The following HS3ST4 variants were observed in gnomAD, a reference collection of about 807,000 sequenced individuals.
HS3ST4 encodes heparan sulfate-glucosamine 3-sulfotransferase 4.
A neutral mutation model predicts 29.2 loss-of-function variants in HS3ST4; 17 were observed. The observed-to-expected ratio is 0.58, with a 90% CI of 0.40 to 0.87. The LOEUF (loss-of-function observed/expected upper bound fraction) is 0.87. Ranked by LOEUF, HS3ST4 falls within the 40% of genes least tolerant of loss-of-function variation. HS3ST4 has a pLI of 0.00. For missense variants in HS3ST4, 627 were observed against 634.5 expected (o/e 0.99, Z 0.13); for synonymous variants, 314 against 285.7 (o/e 1.10, Z -1.00).
At chr16:25,987,959 C>T (rs574051689) in intron 1 of HS3ST4, among the ~76,000 whole-genome samples, 5 of 151,992 alleles carry the variant, frequency 3.3e-5, no homozygotes, top group African/African-American at 4.8e-5. Context: ...TTAATAGAGA[C>T]GGGGTTTCAC....
At chr16:25,702,947 T>C (rs1966344845) in intron 1 of HS3ST4, among the ~76,000 whole-genome samples, 1 of 151,752 alleles carries the variant, frequency 6.6e-6, no homozygotes, top group Non-Finnish European at 1.5e-5. Context: ...GATCACAGGG[T>C]CAAGAGATTG....
intron 1 of HS3ST4, among the ~76,000 whole-genome samples, chr16:25,722,207 CT>C (rs1279232658): frequency 6.6e-6 from 1 of 152,148 alleles, no homozygotes; most frequent in Non-Finnish European, 1.5e-5. Flanking sequence ...AACTTGCTAC[CT>C]TGTGTACCTT....
At chr16:25,973,341 A>G (rs1471976252) in intron 1 of HS3ST4, among the ~76,000 whole-genome samples, 1 of 152,226 alleles carries the variant, frequency 6.6e-6, no homozygotes, top group Non-Finnish European at 1.5e-5. Context: ...GCATAGATGT[A>G]TGACATAGAA....
intron 1 of HS3ST4, among the ~76,000 whole-genome samples, chr16:25,988,234 G>A (rs759361032): frequency 1.1e-4 from 16 of 152,198 alleles, no homozygotes; most frequent in Non-Finnish European, 2.1e-4. Flanking sequence ...AATGACACCT[G>A]GCTGTGCTGA....
At chr16:25,914,213 G>A (rs987645071) in intron 1 of HS3ST4, among the ~76,000 whole-genome samples, 1 of 150,156 alleles carries the variant, frequency 6.7e-6, no homozygotes, top group South Asian at 2.1e-4. Context: ...TGTGTAGGGT[G>A]TGGTGTGTGT....
Position 25,774,204 on chromosome 16 carries a change from G to A in HS3ST4, c.734+81053G>A, listed in dbSNP as rs1020959507. Among the ~76,000 whole-genome samples the A allele has an allele frequency of 9.9e-5, 15 of 152,178 alleles. No individual in the cohort carries two copies. The East Asian group carries it at 1.5e-3, about 16-fold the overall frequency. ...GGAAAGTATTTAATATTTGGTAAGC[G>A]TGAGCTATTAAATCAGGGTAAACAG... On this transcript the variant is annotated intron_variant, in intron 1 of 1. Transcript: ENST00000331351.
At chr16:25,825,389 G>A (rs1329145399) in intron 1 of HS3ST4, 1 of 152,218 alleles carries the variant, frequency 6.6e-6, no homozygotes, top group Non-Finnish European at 1.5e-5. Flanking sequence ...GGTTCCCCTA[G>A]TTGCATAGAT....
In HS3ST4 at chr16:25,699,517, C is replaced by T. The variant is rs758162389; in HGVS notation, c.734+6366C>T. On this transcript the variant is annotated intron_variant, in intron 1 of 1. Transcript: ENST00000331351. ...ACTTATAAAATAGATTACGCTCAGT[C>T]GTATTAAGATCTTAGAGTTAGAAAA... 3.3e-5 allele frequency among the ~76,000 whole-genome samples: 5 copies of T among 152,174 alleles called. No individual in the cohort carries two copies. In the South Asian group the frequency reaches 6.2e-4, roughly 19 times the overall value.
At chr16:26,053,510 T>C (rs889461818) in intron 1 of HS3ST4, among the ~76,000 whole-genome samples, 1 of 152,198 alleles carries the variant, frequency 6.6e-6, no homozygotes, top group African/African-American at 2.4e-5. Flanking sequence ...AAGTTCAGAA[T>C]GAAGGGGACT....
At chr16:25,941,672 G>T (rs1487763337) in intron 1 of HS3ST4, among the ~76,000 whole-genome samples, 2 of 152,078 alleles carry the variant, frequency 1.3e-5, no homozygotes, top group African/African-American at 2.4e-5. Context: ...TGCCTCCGGG[G>T]TTTACGCCAT....
chr16:26,120,488 T>C (rs764742846), intron 1 of HS3ST4, among the ~76,000 whole-genome samples: 1 of 152,198 alleles, frequency 6.6e-6, no homozygotes, highest in Non-Finnish European at 1.5e-5. Context: ...TAGCCAAATG[T>C]AGAGGAAAGG....
intron 1 of HS3ST4, among the ~76,000 whole-genome samples, chr16:25,895,145 G>A (rs944372358): frequency 6.7e-6 from 1 of 149,892 alleles, no homozygotes; most frequent in Non-Finnish European, 1.5e-5. Flanking sequence ...GGCAGGATGT[G>A]TGTGTGTGTG....
chr16:25,873,320 A>ATCCT (rs200321805), intron 1 of HS3ST4, among the ~76,000 whole-genome samples: 5 of 87,342 alleles, frequency 5.7e-5, no homozygotes, highest in African/African-American at 2.4e-4. Context: ...CCATCCATCC[A>ATCCT]TCCTTCCTTC....
Position 26,039,389 on chromosome 16 carries a change from A to G in HS3ST4, c.735-96223A>G, listed in dbSNP as rs1428902254. ...GTGCTTTTTTATATATACATTTTCTATTAGTATTTGCAGCTTCTCCATGAA... is the reference window on the plus strand; with the variant it reads ...GTGCTTTTTTATATATACATTTTCTGTTAGTATTTGCAGCTTCTCCATGAA... On this transcript the variant is annotated intron_variant, in intron 1 of 1. Transcript: ENST00000331351. Among the ~76,000 whole-genome samples, 3 of 152,164 alleles carry G rather than the reference A, an allele frequency of 2.0e-5. No individual in the cohort carries two copies. In the East Asian group the frequency reaches 5.8e-4, roughly 29 times the overall value.
At chr16:25,843,255 G>C (rs1189658020) in intron 1 of HS3ST4, among the ~76,000 whole-genome samples, 1 of 152,190 alleles carries the variant, frequency 6.6e-6, no homozygotes, top group Non-Finnish European at 1.5e-5. Context: ...TTACTCTGCA[G>C]ACAGACGATG....
chr16:26,089,704 G>C (rs892485736), intron 1 of HS3ST4, among the ~76,000 whole-genome samples: 2 of 152,168 alleles, frequency 1.3e-5, no homozygotes, highest in African/African-American at 4.8e-5. Flanking sequence ...GTCACTTAAG[G>C]CCCGTTGTTT....
At chr16:25,724,225 G>A (rs1048449790) in intron 1 of HS3ST4, among the ~76,000 whole-genome samples, 1 of 151,632 alleles carries the variant, frequency 6.6e-6, no homozygotes, top group African/African-American at 2.4e-5. Flanking sequence ...GGAAAATAAA[G>A]CAGTGAAATG....
intron 1 of HS3ST4, among the ~76,000 whole-genome samples, chr16:25,973,054 C>T (rs776963798): frequency 6.6e-5 from 10 of 152,174 alleles, no homozygotes; most frequent in Non-Finnish European, 1.5e-4. Flanking sequence ...ATGGGTTCTT[C>T]CTCAAAGAGC....
intron 1 of HS3ST4, among the ~76,000 whole-genome samples, chr16:26,130,352 A>G (rs1596692417): frequency 6.6e-6 from 1 of 152,320 alleles, no homozygotes. Flanking sequence ...CATGCATGGA[A>G]CACCTACTTA....
Sources: allele counts gnomAD v4.1 joint callset (sites outside exome capture counted in the v4.1 genomes callset), GRCh38; gene constraint gnomAD v4.1.1; transcripts MANE v1.5; gene names NCBI Gene and HGNC (gene_info 2026-07-23, HGNC 2026-07-21).